The following TJAP1 variants were observed in gnomAD, a reference collection of about 807,000 sequenced individuals.
TJAP1 encodes the protein tight junction-associated protein 1.
TJAP1 carries 27 observed loss-of-function variants against 42.0 expected under a neutral mutation model. The observed-to-expected ratio is 0.64, with a 90% CI of 0.47 to 0.89. TJAP1 has a LOEUF of 0.89. TJAP1 is among the 40% of genes least tolerant of loss of function. The pLI is 0.00. For missense variants in TJAP1, 712 were observed against 726.9 expected (o/e 0.98, Z 0.24); for synonymous variants, 257 against 288.4 (o/e 0.89, Z 1.10).
At chr6:43,496,475 T>TGTGC (rs1004329246) in intron 2 of TJAP1, among the ~76,000 whole-genome samples, 5 of 152,228 alleles carry the variant, frequency 3.3e-5, no homozygotes, top group African/African-American at 1.2e-4. Flanking sequence ...GCATGTTGCA[T>TGTGC]GTGCCCTGTG....
chr6:43,489,228 T>C (rs1787258100), intron 2 of TJAP1, among the ~76,000 whole-genome samples: 1 of 152,224 alleles, frequency 6.6e-6, no homozygotes, highest in Non-Finnish European at 1.5e-5. Flanking sequence ...GGAGGCTTCA[T>C]GGAAGAGTTG....
intron 4 of TJAP1, among the ~76,000 whole-genome samples, chr6:43,499,392 G>C (rs1055207938): frequency 6.6e-6 from 1 of 152,252 alleles, no homozygotes; most frequent in African/African-American, 2.4e-5. Flanking sequence ...AGTAGACTGA[G>C]GGGTCCTAAT....
rs761346071 is a variant in TJAP1, at chr6:43,504,492, A to C, written c.580-269A>C. 4.3e-5 allele frequency: 22 copies of C among 517,566 alleles called. 1 individual carries two copies. In the South Asian group the frequency reaches 5.3e-4, roughly 12 times the overall value. 32.1% of individuals were successfully genotyped at this position (517,566 alleles called of 1,614,324 possible). A position where few individuals can be genotyped will look rare whatever the true frequency, so the allele number is the denominator to read the frequency against. On this transcript the variant is annotated intron_variant, in intron 10 of 10. Coordinates refer to ENST00000372449, the Ensembl canonical transcript of TJAP1. ...AAGTATGGTTTGGGCAGAAGCTGGG[A>C]GATAGAAGTTTGAGAACATGCTGGC...
intron 10 of TJAP1, 39 bp from the exon 11 acceptor site, chr6:43,504,722 C>A (rs773098103): frequency 6.3e-7 from 1 of 1,587,442 alleles, no homozygotes; most frequent in South Asian, 1.1e-5. Context: ...TCTTTGGCTG[C>A]GATCATTGAT....
intron 2 of TJAP1, among the ~76,000 whole-genome samples, chr6:43,493,742 C>T (rs2127558461): frequency 6.6e-6 from 1 of 152,226 alleles, no homozygotes. Context: ...TGGGTGCTTG[C>T]TGGGAACGGT....
chr6:43,498,656 C>T (rs1484829668), intron 3 of TJAP1, among the ~76,000 whole-genome samples: 1 of 152,260 alleles, frequency 6.6e-6, no homozygotes, highest in Non-Finnish European at 1.5e-5. Flanking sequence ...TCAGAGCCCA[C>T]AAAGGAGAGT....
chr6:43,495,881 G>T lies in TJAP1; in HGVS notation c.-121-2000G>T, dbSNP rs1185758684. Among the ~76,000 whole-genome samples the T allele has an allele frequency of 6.6e-6, 1 of 152,180 alleles. No homozygotes were observed. The highest frequency in any genetic ancestry group is 2.4e-5 in the African/African-American group (1 of 41,426). On this transcript the variant is annotated intron_variant, in intron 2 of 10. Coordinates refer to ENST00000372449, the Ensembl canonical transcript of TJAP1. The surrounding 1 kb of genome is among the most constrained non-coding windows in gnomAD (Gnocchi z 4.6). ...TAGAGCCAGGGCTGCAGGGTGTGGA[G>T]TGAAGCAGCCTTCCCTACAGGATTG...
At chr6:43,501,753 CA>C (rs1790653459) in intron 6 of TJAP1, 66 bp downstream of exon 6, 2 of 662,544 alleles carry the variant, frequency 3.0e-6, no homozygotes, top group African/African-American at 2.1e-5. Flanking sequence ...CACACACACA[CA>C]CACACTCTCT....
At chr6:43,487,997 G>A (rs902934026) in intron 2 of TJAP1, among the ~76,000 whole-genome samples, 1 of 151,882 alleles carries the variant, frequency 6.6e-6, no homozygotes, top group Non-Finnish European at 1.5e-5. Context: ...AGCCTCCCGA[G>A]TAGCTGGGAT....
intron 2 of TJAP1, chr6:43,489,564 T>A (rs1420846324): frequency 6.6e-6 from 1 of 152,536 alleles, no homozygotes; most frequent in African/African-American, 2.4e-5. Flanking sequence ...CAGCTGTGGG[T>A]GGCTTTGTTC....
chr6:43,499,103 C>A lies in TJAP1; in HGVS notation c.99+3C>A. The A allele has an allele frequency of 6.2e-7, 1 of 1,613,572 alleles. No homozygotes were observed. Among genetic ancestry groups the A allele is most frequent in the South Asian group, 1.1e-5 (1 of 91,048 alleles). On this transcript the variant is annotated splice_donor_region_variant and intron_variant, in intron 4 of 10. Transcript: ENST00000372449. ...CTGGATCCCGGCTTGAGCAGGAGGT[C>A]AGCAAGACTGGTATCACAGCCTGAC...
intron 10 of TJAP1, 140 bp from the exon 11 acceptor site, chr6:43,504,621 T>G: frequency 9.2e-7 from 1 of 1,083,652 alleles, no homozygotes; most frequent in Non-Finnish European, 1.3e-6. Flanking sequence ...GTATACACAC[T>G]GGCATGCTGT....
At chr6:43,484,324 TG>T (rs1435634961) in intron 2 of TJAP1, among the ~76,000 whole-genome samples, 1 of 152,054 alleles carries the variant, frequency 6.6e-6, no homozygotes, top group East Asian at 1.9e-4. Flanking sequence ...CCGGGCATGG[TG>T]GCAGGCACCT....
intron 1 of TJAP1, 28 bp from the exon 2 acceptor site, chr6:43,478,059 T>C (rs1343874488): frequency 6.6e-6 from 1 of 152,204 alleles, no homozygotes; most frequent in Non-Finnish European, 1.5e-5. Flanking sequence ...AGGAGGGAAC[T>C]AAAGCCAGTC....
intron 2 of TJAP1, among the ~76,000 whole-genome samples, chr6:43,493,365 A>G (rs1788254793): frequency 1.3e-5 from 2 of 152,164 alleles, no homozygotes; most frequent in Admixed American, 6.5e-5. Context: ...TGAAGTAGGT[A>G]TTGGTGATGT....
intron 5 of TJAP1, 98 bp from the exon 6 acceptor site, chr6:43,501,428 C>T: frequency 1.8e-6 from 2 of 1,106,284 alleles, no homozygotes; most frequent in Non-Finnish European, 2.6e-6. Flanking sequence ...TGCCTGTCCT[C>T]ATGTCATCCC....
chr6:43,503,671 A>G lies in TJAP1; in HGVS notation c.544A>G (p.Asn182Asp), dbSNP rs1791501795. 6.2e-7 allele frequency: 1 copy of G among 1,614,008 alleles called. No homozygotes were observed. Among genetic ancestry groups the G allele is most frequent in the Non-Finnish European group, 8.5e-7 (1 of 1,180,038 alleles). The change falls in exon 10 of 11, where the codon AAC becomes GAC. Residue 182 changes from asparagine (N) to aspartate (D), a missense_variant. By Grantham distance (23) the Asn-to-Asp change is conservative. Around this residue, in one of 3 missense-constraint regions of TJAP1, gnomAD observed 549 missense variants for 528.2 expected, o/e 1.04. Transcript: ENST00000372449. Reference sequence around the variant, plus strand: ...CCTGGCTGTACAGCTCCTCAAGTGCAACAAGTCCCACTTCCGAAACCACAA... The same window carrying G: ...CCTGGCTGTACAGCTCCTCAAGTGCGACAAGTCCCACTTCCGAAACCACAA...
chr6:43,499,614 C>T lies in TJAP1; in HGVS notation c.99+514C>T, dbSNP rs114740546. On this transcript the variant is annotated intron_variant, in intron 4 of 10. Transcript: ENST00000372449. Reference sequence around the variant, plus strand: ...ACTCCCTGCCAGGAACTGTTAGGTCCGGACTCTGCTCTTCGGGGCCTATAG... The same window carrying T: ...ACTCCCTGCCAGGAACTGTTAGGTCTGGACTCTGCTCTTCGGGGCCTATAG... Among the ~76,000 whole-genome samples the T allele has an allele frequency of 9.7e-3, 1,476 of 152,332 alleles. 20 individuals are homozygous for T. Among genetic ancestry groups the T allele is most frequent in the African/African-American group, 0.034 (1,410 of 41,558 alleles).
intron 2 of TJAP1, among the ~76,000 whole-genome samples, chr6:43,494,728 A>G (rs938840546): frequency 6.7e-6 from 1 of 149,342 alleles, no homozygotes; most frequent in Non-Finnish European, 1.5e-5. Context: ...ACTCACTGCA[A>G]TCTCCACCTC....
Sources: gnomAD v4.1 joint callset for allele counts (sites outside exome capture counted in the v4.1 genomes callset) on GRCh38, gnomAD v4.1.1 for gene constraint, gnomAD v4.1.1 regional missense constraint, Gnocchi (gnomAD v3.1) non-coding constraint, MANE v1.5 for transcripts, NCBI Gene and HGNC (gene_info 2026-07-23, HGNC 2026-07-21) for gene names.